Variants in IGSF3 observed in about 807,000 individuals in gnomAD.
IGSF3 encodes glu-Trp-Ile EWI motif-containing protein 3.
In IGSF3, 23 loss-of-function variants were observed where a neutral mutation model predicts 114.4. The ratio of observed to expected loss-of-function variants is 0.20; its 90% confidence interval spans 0.14 to 0.28. IGSF3 has a LOEUF of 0.28. Ranked by LOEUF, IGSF3 falls within the 10% of genes least tolerant of loss-of-function variation. The pLI, the probability that IGSF3 is intolerant of heterozygous loss-of-function variation, is 1.00. For missense variants in IGSF3, 1,172 were observed against 1,591.5 expected (o/e 0.74, Z 4.48); for synonymous variants, 571 against 645.2 (o/e 0.88, Z 1.74).
rs3905204 is a variant in IGSF3 at position 116,654,659 on chromosome 1, C to G, written c.43+11625G>C. ...CCATACGAGGCTCCTCTGGTATGGA[C>G]GGTGTCTCCTCTCTGGTGGGAAGTA... is the stretch of plus-strand genomic sequence containing the variant. On this transcript the variant is annotated intron_variant, in intron 2 of 10. Transcript: ENST00000369486. The surrounding 1 kb of genome is among the most constrained non-coding windows in gnomAD (Gnocchi z 4.4). 6.6e-6 allele frequency among the ~76,000 whole-genome samples: 1 copy of G among 152,098 alleles called. No individual in the cohort carries two copies. The highest frequency in any genetic ancestry group is 1.5e-5 in the Non-Finnish European group (1 of 68,028).
rs1659718264 is a variant in IGSF3, at chr1:116,584,201, A to C, written c.2848+444T>G. 6.6e-6 allele frequency among the ~76,000 whole-genome samples: 1 copy of C among 152,184 alleles called. No individual in the cohort carries two copies. Among genetic ancestry groups the C allele is most frequent in the Admixed American group, 6.5e-5 (1 of 15,286 alleles). ...ACAGAGTGAGACTCCGTTTCAAAAA[A>C]AAAAAAGTATTGGGAAGTGACAGAG... On this transcript the variant is annotated intron_variant, in intron 9 of 10. Transcript: ENST00000369486. This position sits in a 1 kb window ranked among gnomAD's most constrained non-coding sequence, Gnocchi z 5.8.
chr1:116,640,743 T>C (rs1469678521), intron 2 of IGSF3, among the ~76,000 whole-genome samples: 19 of 152,220 alleles, frequency 1.2e-4, no homozygotes, highest in Non-Finnish European at 2.5e-4. Flanking sequence ...GCAATAAATA[T>C]TCTTGTAAAT....
chr1:116,607,150 C>T lies in IGSF3; in HGVS notation c.1222+792G>A, dbSNP rs1473485430. Among the ~76,000 whole-genome samples, 1 of 152,156 alleles carries T rather than the reference C, an allele frequency of 6.6e-6. No individual in the cohort carries two copies. The highest frequency in any genetic ancestry group is 1.5e-5 in the Non-Finnish European group (1 of 68,032). On this transcript the variant is annotated intron_variant, in intron 5 of 10. Transcript: ENST00000369486. This position sits in a 1 kb window ranked among gnomAD's most constrained non-coding sequence, Gnocchi z 6.1. ...CTTTACCACTTGTTTAAAATCAGAG[C>T]ATTATAGGTTTTTATTCTCTTTACT...
Position 116,608,113 on chromosome 1 carries a change from C to T in IGSF3, c.1051G>A (p.Val351Met). ...AHREARGQLK[V>M]AKESDSVFVL... ...AAGACACTGTCGCTCTCTTTGGCCA[C>T]CTTAAGCTGTCCCCTGGCTTCCCGG... The change falls in exon 5 of 11, where the codon GTG (valine) becomes ATG (methionine). Residue 351 changes from valine to methionine, a missense_variant. Physicochemically the swap from Val to Met is conservative, Grantham distance 21 (BLOSUM62 1). Around this residue, in one of 3 missense-constraint regions of IGSF3, gnomAD observed 736 missense variants for 1,042.0 expected, o/e 0.71. Transcript: ENST00000369486. 1 of 1,613,970 alleles carries T rather than the reference C, an allele frequency of 6.2e-7. No homozygotes were observed. The highest frequency in any genetic ancestry group is 8.5e-7 in the Non-Finnish European group (1 of 1,179,872).
Position 116,579,981 on chromosome 1 carries a change from A to G in IGSF3, c.2849-104T>C. The G allele has an allele frequency of 9.7e-7, 1 of 1,031,138 alleles. No individual in the cohort carries two copies. Among genetic ancestry groups the G allele is most frequent in the Non-Finnish European group, 1.4e-6 (1 of 727,868 alleles). 63.9% of individuals were successfully genotyped at this position (1,031,138 alleles called of 1,614,324 possible). On this transcript the variant is annotated intron_variant, in intron 9 of 10. Transcript: ENST00000369486. This position sits in a 1 kb window ranked among gnomAD's most constrained non-coding sequence, Gnocchi z 6.4. The stretch of plus-strand genomic sequence containing the variant: ...AACACATGATAGTAACATCCATACT[A>G]TAAGATATTATGCACCTATTGAAAA...
At position 116,642,128 on chromosome 1, in the gene IGSF3, T is replaced by C. The variant is rs900570265; in HGVS notation, c.43+24156A>G. On this transcript the variant is annotated intron_variant, in intron 2 of 10. Transcript: ENST00000369486. The surrounding 1 kb of genome is among the most constrained non-coding windows in gnomAD (Gnocchi z 5.4). Reference sequence around the variant, plus strand: ...TTATCACCATTAAAAATCACTGAAGTTTTTGTCACCCAAAGTTTTACTTTG... The same window carrying C: ...TTATCACCATTAAAAATCACTGAAGCTTTTGTCACCCAAAGTTTTACTTTG... Among the ~76,000 whole-genome samples, 1 of 152,148 alleles carries C rather than the reference T, an allele frequency of 6.6e-6. No homozygotes were observed. The highest frequency in any genetic ancestry group is 1.5e-5 in the Non-Finnish European group (1 of 68,032).
intron 2 of IGSF3, 90 bp downstream of exon 2, chr1:116,666,194 G>C: frequency 8.0e-7 from 1 of 1,250,664 alleles, no homozygotes; most frequent in Non-Finnish European, 1.2e-6. Context: ...CCAAATCCTA[G>C]TGTTGATGAA....
chr1:116,617,784 T>C (rs1661277324), intron 2 of IGSF3, among the ~76,000 whole-genome samples: 1 of 152,226 alleles, frequency 6.6e-6, no homozygotes, highest in Non-Finnish European at 1.5e-5. Flanking sequence ...GACATATTTC[T>C]GCTGGAACAT....
Position 116,579,646 on chromosome 1 carries a change from G to GGGT in IGSF3, c.3077_3079dup (p.Asp1026_Pro1027insHis). On this transcript the variant is annotated inframe_insertion, in exon 10 of 11. Transcript: ENST00000369486. The surrounding 1 kb of genome is among the most constrained non-coding windows in gnomAD (Gnocchi z 6.4). ...GCTCAGCAGGGCCGTCCGCTCTGTT[G>GGGT]GGTCGTCGTCGTCGTCGTCGTCCTC... is the stretch of plus-strand genomic sequence containing the variant. 1 of 1,607,944 alleles carries GGGT rather than the reference G, an allele frequency of 6.2e-7. No individual in the cohort carries two copies. The highest frequency in any genetic ancestry group is 8.5e-7 in the Non-Finnish European group (1 of 1,177,182).
chr1:116,585,046 C>A lies in IGSF3; in HGVS notation c.2447G>T (p.Arg816Leu), dbSNP rs769227054. The change falls in exon 9 of 11, where the codon CGC becomes CTC. Residue 816 changes from arginine to leucine, a missense_variant. By Grantham distance (102) the Arg-to-Leu change is moderately radical. Around this residue, in one of 3 missense-constraint regions of IGSF3, gnomAD observed 423 missense variants for 509.8 expected, o/e 0.83. Coordinates refer to ENST00000369486, the MANE Select transcript of IGSF3 (RefSeq NM_001007237.3). This position sits in a 1 kb window ranked among gnomAD's most constrained non-coding sequence, Gnocchi z 4.9. ...TEVTVKQPDS[R>L]LRLSQAQGNL... The stretch of plus-strand genomic sequence containing the variant: ...CCCCTGGGCTTGGCTGAGCCTCAGG[C>A]GGCTGTCTGGAACAGTAAGGAAGAG... 2 of 1,533,880 alleles carry A rather than the reference C, an allele frequency of 1.3e-6. No homozygotes were observed. Among genetic ancestry groups the A allele is most frequent in the African/African-American group, 1.4e-5 (1 of 72,706 alleles).
At chr1:116,591,223 T>G (rs1660098063) in intron 7 of IGSF3, among the ~76,000 whole-genome samples, 1 of 152,210 alleles carries the variant, frequency 6.6e-6, no homozygotes, top group African/African-American at 2.4e-5. Flanking sequence ...TCAGATTGGA[T>G]TCCTATAATA....
At position 116,613,894 on chromosome 1, in the gene IGSF3, G is replaced by C. The variant is rs372818719; in HGVS notation, c.703C>G (p.His235Asp). The C allele has an allele frequency of 6.2e-7, 1 of 1,613,846 alleles. No individual in the cohort carries two copies. Among genetic ancestry groups the C allele is most frequent in the Non-Finnish European group, 8.5e-7 (1 of 1,179,872 alleles). The part of the protein sequence containing the change: ...GRTTFRLTIF[H>D]LQPSDQGEFY... ...TCGCCCTGGTCAGAAGGCTGCAGGT[G>C]GAAGATGGTGAGGCGGAAGGTGGTC... The change falls in exon 4 of 11, where the codon CAC becomes GAC. Residue 235 changes from histidine to aspartate, a missense_variant. Transcript: ENST00000369486.
chr1:116,666,067 C>A (rs1649318907), intron 2 of IGSF3, among the ~76,000 whole-genome samples: 1 of 152,140 alleles, frequency 6.6e-6, no homozygotes. Context: ...TTAAGAACAG[C>A]AAATGTTCCT....
chr1:116,586,874 C>A (rs1200394733), intron 8 of IGSF3, among the ~76,000 whole-genome samples: 3 of 151,974 alleles, frequency 2.0e-5, no homozygotes, highest in Non-Finnish European at 4.4e-5. Context: ...TGTTCAAAAG[C>A]CCCAGGGACT....
At position 116,592,362 on chromosome 1, in the gene IGSF3, G is replaced by A. The variant is rs1660149673; in HGVS notation, c.2030-3258C>T. 2.0e-5 allele frequency among the ~76,000 whole-genome samples: 3 copies of A among 152,220 alleles called. No homozygotes were observed. The highest frequency in any genetic ancestry group is 2.0e-4 in the Admixed American group (3 of 15,286). The stretch of plus-strand genomic sequence containing the variant: ...AGAATCCAGCAAGAGACAGGAAGAG[G>A]GTCCGAGAGTTGCTCCAGCTCACGC... On this transcript the variant is annotated intron_variant, in intron 7 of 10. Transcript: ENST00000369486. This position sits in a 1 kb window ranked among gnomAD's most constrained non-coding sequence, Gnocchi z 4.5.
In IGSF3 at chr1:116,612,724, T is replaced by C. The variant is rs1366817386; in HGVS notation, c.832+1041A>G. Among the ~76,000 whole-genome samples, 1 of 152,172 alleles carries C rather than the reference T, an allele frequency of 6.6e-6. No homozygotes were observed. The highest frequency in any genetic ancestry group is 2.4e-5 in the African/African-American group (1 of 41,446). The stretch of plus-strand genomic sequence containing the variant: ...GAACCACCACAGTCCTCACCAGAAG[T>C]GAGCTTCCGCACAAGGAAAGGCTTT... On this transcript the variant is annotated intron_variant, in intron 4 of 10. Transcript: ENST00000369486. The surrounding 1 kb of genome is among the most constrained non-coding windows in gnomAD (Gnocchi z 4.1).
rs1301923419 is a variant in IGSF3, at chr1:116,655,875, A to C, written c.43+10409T>G. Among the ~76,000 whole-genome samples the C allele has an allele frequency of 1.3e-5, 2 of 152,228 alleles. No homozygotes were observed. Among genetic ancestry groups the C allele is most frequent in the African/African-American group, 4.8e-5 (2 of 41,452 alleles). ...TATGTATTTTTTGAAGAAAATATGC[A>C]GAATAAACAAGTCAATTATTCTCAC... On this transcript the variant is annotated intron_variant, in intron 2 of 10. Transcript: ENST00000369486. The surrounding 1 kb of genome is among the most constrained non-coding windows in gnomAD (Gnocchi z 4.3).
chr1:116,653,249 T>C (rs1170823698), intron 2 of IGSF3, among the ~76,000 whole-genome samples: 2 of 152,226 alleles, frequency 1.3e-5, no homozygotes, highest in African/African-American at 2.4e-5. Context: ...TGAATGCCTA[T>C]ACATTTGCAA....
chr1:116,661,396 CAGA>C lies in IGSF3; in HGVS notation c.43+4885_43+4887del, dbSNP rs1464085885. 1.3e-5 allele frequency among the ~76,000 whole-genome samples: 2 copies of C among 152,208 alleles called. No homozygotes were observed. The highest frequency in any genetic ancestry group is 2.9e-5 in the Non-Finnish European group (2 of 68,040). ...ACAGATGGTCTTCAAGAATTTTATA[CAGA>C]AGGTCATGCTATGTAAAGTGTTTAG... is the stretch of plus-strand genomic sequence containing the variant. On this transcript the variant is annotated intron_variant, in intron 2 of 10. Transcript: ENST00000369486. This position sits in a 1 kb window ranked among gnomAD's most constrained non-coding sequence, Gnocchi z 4.0.
Sources: allele counts gnomAD v4.1 joint callset (sites outside exome capture counted in the v4.1 genomes callset), GRCh38; gene constraint gnomAD v4.1.1; regional missense constraint gnomAD v4.1.1; non-coding constraint Gnocchi (gnomAD v3.1); transcripts MANE v1.5; gene names NCBI Gene and HGNC (gene_info 2026-07-23, HGNC 2026-07-21).